PPFIBP2: variants seen among roughly 807,000 people sequenced by gnomAD.
PPFIBP2 encodes the protein liprin-beta-2.
PPFIBP2 carries 118 observed loss-of-function variants against 118.3 expected under a neutral mutation model. The ratio of observed to expected loss-of-function variants is 1.00; its 90% CI spans 0.86 to 1.16. The LOEUF (loss-of-function observed/expected upper bound fraction) is 1.16. Ranked by LOEUF, PPFIBP2 falls within the 50% of genes most tolerant of loss-of-function variation. PPFIBP2 has a pLI of 0.00. For missense variants in PPFIBP2, 1,195 were observed against 1,073.1 expected (o/e 1.11, Z -1.59); for synonymous variants, 414 against 397.4 (o/e 1.04, Z -0.50).
chr11:7,607,110 C>G (rs112501678), intron 5 of PPFIBP2, among the ~76,000 whole-genome samples: 2 of 150,824 alleles, frequency 1.3e-5, no homozygotes, highest in African/African-American at 4.9e-5. Context: ...CGGGGTTTCA[C>G]CATGTTCGTC....
intron 1 of PPFIBP2, chr11:7,539,341 T>C (rs751348819): frequency 2.6e-5 from 4 of 152,560 alleles, no homozygotes; most frequent in Non-Finnish European, 5.9e-5. Flanking sequence ...CCAGTGTCTG[T>C]GGGCTCTGCC....
At chr11:7,612,484 T>C (rs1443395153) in intron 6 of PPFIBP2, among the ~76,000 whole-genome samples, 2 of 152,216 alleles carry the variant, frequency 1.3e-5, no homozygotes, top group African/African-American at 4.8e-5. Context: ...GATAATGCAG[T>C]CCCTTTACAG....
the PPFIBP2 span, chr11:7,666,620 GTC>G: frequency 8.7e-7 from 1 of 1,146,378 alleles, no homozygotes; most frequent in Non-Finnish European, 1.3e-6. Flanking sequence ...GACTACACCG[GTC>G]AGCATACTCC....
chr11:7,641,429 C>T (rs1852177125), intron 15 of PPFIBP2, 50 bp from the exon 16 acceptor site: 2 of 1,599,804 alleles, frequency 1.3e-6, no homozygotes, highest in Non-Finnish European at 1.7e-6. Flanking sequence ...AAGAAGGGTT[C>T]CAGGGGTCAC....
intron 5 of PPFIBP2, among the ~76,000 whole-genome samples, chr11:7,606,979 C>T (rs574114709): frequency 5.0e-4 from 63 of 124,768 alleles, no homozygotes; most frequent in South Asian, 1.7e-3. Flanking sequence ...GGCACGATCT[C>T]GGCTAACTGC....
Position 7,639,665 on chromosome 11 carries a change from C to T in PPFIBP2, c.1237-67C>T, listed in dbSNP as rs1851879758. ...TGCAAAACAGGGAGTTGTTCTGTAT[C>T]CAAGGATTTCCTAACTGAGGCTGAC... On this transcript the variant is annotated intron_variant, in intron 14 of 23. Transcript: ENST00000299492. The T allele has an allele frequency of 1.4e-5, 22 of 1,603,352 alleles. No individual in the cohort carries two copies. The South Asian group carries it at 2.4e-4, about 18-fold the overall frequency.
chr11:7,662,681 C>G, the PPFIBP2 span, among the ~76,000 whole-genome samples: 2 of 147,208 alleles, frequency 1.4e-5, no homozygotes, highest in East Asian at 2.0e-4. Flanking sequence ...TTTCCTGAAT[C>G]TGAACGTTGG....
At chr11:7,661,695 C>T (rs11041513), downstream of PPFIBP2, among the ~76,000 whole-genome samples, 4 of 80,496 alleles carry the variant, frequency 5.0e-5, 2 homozygotes, top group Non-Finnish European at 1.2e-4. Flanking sequence ...TCAATTCCTG[C>T]GTATCCTTTG....
chr11:7,565,208 T>C (rs1415943522), intron 2 of PPFIBP2, among the ~76,000 whole-genome samples: 3 of 152,168 alleles, frequency 2.0e-5, no homozygotes, highest in African/African-American at 4.8e-5. Flanking sequence ...TAGATAAAGA[T>C]GATTTCTGGA....
chr11:7,528,710 T>C (rs1850430389), intron 1 of PPFIBP2, among the ~76,000 whole-genome samples: 1 of 152,188 alleles, frequency 6.6e-6, no homozygotes, highest in Non-Finnish European at 1.5e-5. Context: ...AGCCTGCCCA[T>C]GCAGGGGTGT....
chr11:7,578,256 T>C lies in PPFIBP2; in HGVS notation c.279+12489T>C, dbSNP rs117512558. Reference sequence around the variant, plus strand: ...GGGGGCTGGAGTAGCATCATACTCCTAGAATTCAGGCTGTTTCCTCTTTTG... The same window carrying C: ...GGGGGCTGGAGTAGCATCATACTCCCAGAATTCAGGCTGTTTCCTCTTTTG... On this transcript the variant is annotated intron_variant, in intron 3 of 23. Transcript: ENST00000299492. Among the ~76,000 whole-genome samples the C allele has an allele frequency of 9.2e-4, 140 of 152,362 alleles. 1 individual carries two copies. The East Asian group carries it at 0.025, about 27-fold the overall frequency.
Position 7,609,752 on chromosome 11 carries a change from A to G in PPFIBP2, c.487-539A>G, listed in dbSNP as rs925711008. Among the ~76,000 whole-genome samples the G allele has an allele frequency of 5.9e-5, 9 of 152,326 alleles. No individual in the cohort carries two copies. The South Asian group carries it at 1.0e-3, about 18-fold the overall frequency. On this transcript the variant is annotated intron_variant, in intron 5 of 23. Transcript: ENST00000299492. ...ACAGCCCAGGAAAGATCCATCTCACATAAGATTCCTATGTAATCATTCAAC... is the reference window on the plus strand; with the variant it reads ...ACAGCCCAGGAAAGATCCATCTCACGTAAGATTCCTATGTAATCATTCAAC...
chr11:7,631,773 C>A (rs1345140104), intron 11 of PPFIBP2, among the ~76,000 whole-genome samples: 2 of 152,110 alleles, frequency 1.3e-5, no homozygotes, highest in Admixed American at 6.5e-5. Context: ...AGAACAAGCA[C>A]CCCAGATTGC....
intron 1 of PPFIBP2, among the ~76,000 whole-genome samples, chr11:7,523,236 C>T (rs575980260): frequency 2.1e-4 from 32 of 152,290 alleles, no homozygotes; most frequent in African/African-American, 7.5e-4. Flanking sequence ...CACACCTTTG[C>T]CCAGCCAGGC....
intron 5 of PPFIBP2, among the ~76,000 whole-genome samples, chr11:7,605,429 A>C (rs973716184): frequency 6.6e-6 from 1 of 152,226 alleles, no homozygotes; most frequent in African/African-American, 2.4e-5. Context: ...GACAAACACA[A>C]GTTTTGCCAG....
At chr11:7,608,950 C>T (rs1240381401) in intron 5 of PPFIBP2, among the ~76,000 whole-genome samples, 1 of 152,238 alleles carries the variant, frequency 6.6e-6, no homozygotes, top group African/African-American at 2.4e-5. Context: ...TGTGAGCCAG[C>T]TTCCAGTCTG....
chr11:7,635,093 A>G (rs942345602), intron 13 of PPFIBP2, among the ~76,000 whole-genome samples: 1 of 152,176 alleles, frequency 6.6e-6, no homozygotes, highest in Non-Finnish European at 1.5e-5. Flanking sequence ...GCCCTTGATC[A>G]TGTGGGTGGA....
the PPFIBP2 span, among the ~76,000 whole-genome samples, chr11:7,664,270 C>A: frequency 2.6e-5 from 4 of 152,204 alleles, no homozygotes; most frequent in African/African-American, 9.6e-5. Flanking sequence ...TCATATTTTC[C>A]CAGGTATGCC....
At position 7,650,912 on chromosome 11, in the gene PPFIBP2, C is replaced by T; in HGVS notation, c.2194C>T (p.Leu732=). 1 of 1,614,126 alleles carries T rather than the reference C, an allele frequency of 6.2e-7. No individual in the cohort carries two copies. The highest frequency in any genetic ancestry group is 8.5e-7 in the Non-Finnish European group (1 of 1,179,990). ...GATGGAGTGGTTACGATCTGTGGAC[C>T]TGGCAGAGTATGCACCCAATCTTCG... ...RVMEWLRSVD[L]AEYAPNLRGS... The change falls in exon 22 of 24, where the codon CTG becomes TTG. Residue 732 remains leucine (L), a synonymous_variant. Coordinates refer to ENST00000299492, the MANE Select transcript of PPFIBP2 (RefSeq NM_003621.5).
Sources: gnomAD v4.1 joint callset for allele counts (sites outside exome capture counted in the v4.1 genomes callset) on GRCh38, gnomAD v4.1.1 for gene constraint, MANE v1.5 for transcripts, NCBI Gene and HGNC (gene_info 2026-07-23, HGNC 2026-07-21) for gene names.